LY96: variants seen among roughly 807,000 people sequenced by gnomAD.
LY96 encodes the protein lymphocyte antigen 96.
In LY96, 18 loss-of-function variants were observed where a neutral mutation model predicts 18.9. The observed-to-expected ratio is 0.95, with a 90% CI of 0.66 to 1.41. LY96 has a LOEUF of 1.41. Ranked by LOEUF, LY96 falls within the 40% of genes most tolerant of loss-of-function variation. The probability of loss-of-function intolerance (pLI) is 0.00; values close to 1 mark genes in which losing one functional copy is unlikely to be tolerated. For synonymous variants in LY96, 66 were observed against 62.6 expected, an observed-to-expected ratio of 1.06 and a Z score of -0.26; for missense variants, 175 against 182.4, an observed-to-expected ratio of 0.96 and a Z score of 0.23.
intron 2 of LY96, among the ~76,000 whole-genome samples, chr8:74,006,293 G>A (rs1184936796): frequency 6.6e-6 from 1 of 152,064 alleles, no homozygotes; most frequent in Non-Finnish European, 1.5e-5. Flanking sequence ...TGCCTCCCGG[G>A]TTCAATCCAT....
intron 1 of LY96, among the ~76,000 whole-genome samples, chr8:74,001,964 TTCCTTCCTTC>T (rs1816280688): frequency 7.0e-6 from 1 of 142,766 alleles, no homozygotes; most frequent in African/African-American, 2.7e-5. Context: ...CCTTCCTTCC[TTCCTTCCTTC>T]CTTCCCTCCC....
chr8:74,057,651 C>T, the LY96 span, among the ~76,000 whole-genome samples: 3 of 152,104 alleles, frequency 2.0e-5, no homozygotes, highest in African/African-American at 7.2e-5. Context: ...ATTGTTGGGG[C>T]ATATCTTCAC....
chr8:74,018,783 A>G (rs1037913848), intron 3 of LY96, among the ~76,000 whole-genome samples: 3 of 152,190 alleles, frequency 2.0e-5, no homozygotes, highest in Non-Finnish European at 4.4e-5. Flanking sequence ...TAAAAACTAC[A>G]CAACTACATG....
chr8:74,019,051 G>C (rs987104606), intron 3 of LY96, among the ~76,000 whole-genome samples: 4 of 152,094 alleles, frequency 2.6e-5, no homozygotes, highest in African/African-American at 9.7e-5. Flanking sequence ...AAAGCTAGCA[G>C]AAGGAAAGAA....
the LY96 span, among the ~76,000 whole-genome samples, chr8:74,060,456 T>G: frequency 1.3e-5 from 2 of 152,222 alleles, no homozygotes; most frequent in Non-Finnish European, 2.9e-5. Flanking sequence ...CTTTTCACTC[T>G]TAAATCATTT....
chr8:74,002,040 T>C lies in LY96; in HGVS notation c.113-2756T>C, dbSNP rs1465608390. ...CTTCCTTCCTTCCTTCCTTCCTTCC[T>C]TCCTTCCTTCCTTCCTTCCTTCCTT... On this transcript the variant is annotated intron_variant, in intron 1 of 4. Transcript: ENST00000284818. Among the ~76,000 whole-genome samples, 20 of 32,934 alleles carry C rather than the reference T, an allele frequency of 6.1e-4. 1 individual carries two copies. The highest frequency in any genetic ancestry group is 1.8e-3 in the South Asian group (1 of 570). The allele number at this position is 32,934 out of a possible 152,430, so 21.6% of individuals were successfully genotyped here. A position where few individuals can be genotyped will look rare whatever the true frequency, so the allele number is the denominator to read the frequency against.
At chr8:74,028,891 C>T in intron 4 of LY96, 65 bp from the exon 5 acceptor site, 1 of 974,316 alleles carries the variant, frequency 1.0e-6, no homozygotes, top group African/African-American at 1.6e-5. Flanking sequence ...AAAGTTCTTA[C>T]AAAGCCTCTG....
chr8:74,089,364 C>T, the LY96 span, among the ~76,000 whole-genome samples: 77 of 152,200 alleles, frequency 5.1e-4, no homozygotes, highest in African/African-American at 1.8e-3. Context: ...TGAAGGATTT[C>T]AATTTGGTCA....
the LY96 span, among the ~76,000 whole-genome samples, chr8:74,087,262 T>C: frequency 6.6e-6 from 1 of 152,216 alleles, no homozygotes; most frequent in African/African-American, 2.4e-5. Context: ...ATGAGACTTA[T>C]TTAAAATGCA....
chr8:74,054,617 C>CCTCT, the LY96 span, among the ~76,000 whole-genome samples: 1 of 70,172 alleles, frequency 1.4e-5, no homozygotes, highest in Non-Finnish European at 2.7e-5. Flanking sequence ...TTTCCTTTTC[C>CCTCT]TTCTTTCTTT....
chr8:74,058,071 T>C, the LY96 span, among the ~76,000 whole-genome samples: 2,156 of 152,204 alleles, frequency 0.014, 84 homozygotes, highest in Admixed American at 0.078. Context: ...CTTCTCCAGG[T>C]CTAGGCTTGA....
chr8:74,081,022 CTTTCTTTCTTTCTTTCTTTCTTTCTT>C, the LY96 span, among the ~76,000 whole-genome samples: 420 of 130,248 alleles, frequency 3.2e-3, 4 homozygotes, highest in African/African-American at 0.01. Context: ...TTCTTTCTTT[CTTTCTTTCTTTCTTTCTTTCTTTCTT>C]TTTCTTTCTT....
chr8:73,997,501 T>C (rs77952155), intron 1 of LY96, among the ~76,000 whole-genome samples: 1,809 of 152,200 alleles, frequency 0.012, 37 homozygotes, highest in African/African-American at 0.042. Flanking sequence ...CTGCTGAAAA[T>C]CCTCCAGTAG....
chr8:74,043,157 G>A, the LY96 span, among the ~76,000 whole-genome samples: 1 of 152,210 alleles, frequency 6.6e-6, no homozygotes, highest in Non-Finnish European at 1.5e-5. Context: ...AACGCTTAAT[G>A]TCTGGCACAT....
intron 3 of LY96, among the ~76,000 whole-genome samples, chr8:74,013,587 C>T (rs974371261): frequency 1.3e-5 from 2 of 151,936 alleles, no homozygotes; most frequent in Admixed American, 1.3e-4. Context: ...TGCTCCTGGA[C>T]ATTTTTAAAT....
chr8:73,999,058 C>A (rs546195131), intron 1 of LY96, among the ~76,000 whole-genome samples: 7 of 152,058 alleles, frequency 4.6e-5, no homozygotes, highest in Admixed American at 3.9e-4. Flanking sequence ...GTAGCCTCCA[C>A]CTCCTGGGCT....
At chr8:74,081,085 C>CTT in the LY96 span, among the ~76,000 whole-genome samples, 17 of 106,980 alleles carry the variant, frequency 1.6e-4, no homozygotes, top group African/African-American at 4.1e-4. Context: ...TCTTCTCTTT[C>CTT]TCTCTTTCTT....
intron 1 of LY96, among the ~76,000 whole-genome samples, chr8:73,996,357 C>CT (rs71561556): frequency 1.9e-5 from 2 of 105,058 alleles, no homozygotes; most frequent in South Asian, 5.8e-4. Flanking sequence ...TCCTTCCTTC[C>CT]TTCCTTCCTT....
chr8:74,022,078 AAAAAG>A (rs775980179), intron 3 of LY96, among the ~76,000 whole-genome samples: 22 of 152,132 alleles, frequency 1.4e-4, no homozygotes, highest in Non-Finnish European at 2.2e-4. Flanking sequence ...AATTTAAAAA[AAAAAG>A]AAAAGAAAAG....
Sources: allele counts gnomAD v4.1 joint callset (sites outside exome capture counted in the v4.1 genomes callset), GRCh38; gene constraint gnomAD v4.1.1; transcripts MANE v1.5; gene names NCBI Gene and HGNC (gene_info 2026-07-23, HGNC 2026-07-21).